The following CCDC148 variants were observed in gnomAD, a reference collection of about 807,000 sequenced individuals.
CCDC148 encodes coiled-coil domain containing 148.
A neutral mutation model predicts 85.7 loss-of-function variants in CCDC148; 89 were observed. That is an observed-to-expected ratio of 1.04 (90% confidence interval 0.87 to 1.24). The LOEUF (loss-of-function observed/expected upper bound fraction) is 1.24. CCDC148 is among the 50% of genes most tolerant of loss of function. CCDC148 has a pLI of 0.00. For missense variants in CCDC148, 692 were observed against 671.7 expected (o/e 1.03, Z -0.33); for synonymous variants, 230 against 213.9 (o/e 1.08, Z -0.66).
chr2:158,250,628 T>C (rs978737992), intron 10 of CCDC148, 144 bp downstream of exon 10: 1 of 1,227,976 alleles, frequency 8.1e-7, no homozygotes, highest in African/African-American at 1.6e-5. Context: ...AATAAACTTT[T>C]CATTAGATAA....
chr2:158,425,162 C>T (rs1687017173), intron 1 of CCDC148: 3 of 519,104 alleles, frequency 5.8e-6, no homozygotes, highest in Non-Finnish European at 1.2e-5. Flanking sequence ...ACTGTAGTGG[C>T]TATGGCAGAT....
chr2:158,303,627 A>G (rs1019311948), intron 9 of CCDC148, among the ~76,000 whole-genome samples: 2 of 152,244 alleles, frequency 1.3e-5, no homozygotes, highest in Non-Finnish European at 2.9e-5. Context: ...ACAAATTCCA[A>G]TGATAACACC....
intron 8 of CCDC148, among the ~76,000 whole-genome samples, chr2:158,312,589 A>C (rs1241042744): frequency 5.3e-5 from 8 of 151,128 alleles, no homozygotes; most frequent in East Asian, 3.9e-4. Context: ...AAAAAAAAAA[A>C]AAAAAAAACC....
intron 10 of CCDC148, among the ~76,000 whole-genome samples, chr2:158,223,201 C>T (rs4664937): frequency 0.069 from 10,464 of 152,216 alleles, 489 homozygotes; most frequent in East Asian, 0.13. Context: ...GTCCTACGCC[C>T]ACGGATCCTC....
intron 10 of CCDC148, among the ~76,000 whole-genome samples, chr2:158,228,332 A>G (rs1687665096): frequency 6.6e-6 from 1 of 152,188 alleles, no homozygotes; most frequent in Non-Finnish European, 1.5e-5. Flanking sequence ...GGACATGGAG[A>G]AATAGGAACA....
Position 158,220,731 on chromosome 2 carries a change from C to T in CCDC148, c.1252-18G>A, listed in dbSNP as rs767046906. Reference sequence around the variant, plus strand: ...TTTTTTATCTATTGTATAAATGTTACATAAAATTTAAATTAACAACAGATA... The same window carrying T: ...TTTTTTATCTATTGTATAAATGTTATATAAAATTTAAATTAACAACAGATA... On this transcript the variant is annotated intron_variant, in intron 10 of 13. Transcript: ENST00000283233. 9.9e-6 allele frequency: 15 copies of T among 1,519,598 alleles called. No homozygotes were observed. The South Asian group carries it at 1.6e-4, about 16-fold the overall frequency. 94.1% of individuals were successfully genotyped at this position (1,519,598 alleles called of 1,614,324 possible). A position where few individuals can be genotyped will look rare whatever the true frequency, so the allele number is the denominator to read the frequency against.
At chr2:158,323,387 T>C (rs749923366) in intron 7 of CCDC148, among the ~76,000 whole-genome samples, 7 of 152,352 alleles carry the variant, frequency 4.6e-5, no homozygotes, top group African/African-American at 9.6e-5. Flanking sequence ...TGTGGAACTA[T>C]TGCATTAAAT....
At position 158,309,490 on chromosome 2, in the gene CCDC148, G is replaced by C. The variant is rs202026459; in HGVS notation, c.1053C>G (p.Ser351Arg). 14 of 1,614,096 alleles carry C rather than the reference G, an allele frequency of 8.7e-6. No homozygotes were observed. The highest frequency in any genetic ancestry group is 8.3e-5 in the Admixed American group (5 of 60,024). ...TEACATHEMESMLAKDKKKQQ... is the reference protein window; with the variant it reads ...TEACATHEMERMLAKDKKKQQ... ...GCTTTTTCTTGTCCTTAGCCAACAT[G>C]CTCTCCATTTCATGTGTTGCACAAG... Residue 351 changes from serine to arginine, a missense_variant, in exon 9 of 14, where the codon AGC (serine) becomes AGG (arginine). Transcript: ENST00000283233.
At chr2:158,260,263 C>T (rs1278833643) in intron 9 of CCDC148, among the ~76,000 whole-genome samples, 1 of 151,928 alleles carries the variant, frequency 6.6e-6, no homozygotes, top group Non-Finnish European at 1.5e-5. Context: ...ACAAAAACCA[C>T]ATGATTATCT....
At chr2:158,219,246 C>G (rs1384744972) in intron 11 of CCDC148, among the ~76,000 whole-genome samples, 3 of 152,142 alleles carry the variant, frequency 2.0e-5, no homozygotes, top group Non-Finnish European at 4.4e-5. Context: ...AGGAAATTTA[C>G]TATGATTTAT....
chr2:158,211,245 C>T (rs1218177729), intron 11 of CCDC148, among the ~76,000 whole-genome samples: 2 of 151,956 alleles, frequency 1.3e-5, no homozygotes, highest in Non-Finnish European at 2.9e-5. Flanking sequence ...ATATCTGTAG[C>T]ACTAGTTATG....
At chr2:158,448,308 T>C (rs1688245684) in intron 1 of CCDC148, among the ~76,000 whole-genome samples, 1 of 152,128 alleles carries the variant, frequency 6.6e-6, no homozygotes, top group South Asian at 2.1e-4. Context: ...TCTTACCTTT[T>C]TTTTACAAGA....
intron 1 of CCDC148, among the ~76,000 whole-genome samples, chr2:158,423,771 G>A (rs1356664532): frequency 6.6e-6 from 1 of 152,132 alleles, no homozygotes; most frequent in African/African-American, 2.4e-5. Flanking sequence ...CCATCAGAGT[G>A]AACAGGCAAC....
chr2:158,321,660 G>A (rs139192879), intron 7 of CCDC148, among the ~76,000 whole-genome samples: 3 of 152,244 alleles, frequency 2.0e-5, no homozygotes, highest in Non-Finnish European at 4.4e-5. Flanking sequence ...CTTCTGTCTT[G>A]TATTCATCAA....
intron 1 of CCDC148, among the ~76,000 whole-genome samples, chr2:158,386,061 G>T (rs902097997): frequency 6.6e-6 from 1 of 151,948 alleles, no homozygotes; most frequent in Non-Finnish European, 1.5e-5. Context: ...TATGGCTTTT[G>T]CTTGGTTTTA....
At chr2:158,178,663 A>G (rs1347473397) in intron 12 of CCDC148, among the ~76,000 whole-genome samples, 1 of 152,260 alleles carries the variant, frequency 6.6e-6, no homozygotes, top group Non-Finnish European at 1.5e-5. Flanking sequence ...GCTTTTTAAA[A>G]GGTGATGATA....
intron 10 of CCDC148, among the ~76,000 whole-genome samples, chr2:158,247,769 T>C (rs1184684410): frequency 1.3e-5 from 2 of 151,902 alleles, no homozygotes; most frequent in African/African-American, 4.8e-5. Context: ...GGCAAGAGAA[T>C]CACTTGAACC....
At chr2:158,209,710 A>AT (rs1686451938) in intron 11 of CCDC148, among the ~76,000 whole-genome samples, 1 of 152,332 alleles carries the variant, frequency 6.6e-6, no homozygotes, top group African/African-American at 2.4e-5. Flanking sequence ...ATCCAGCCAA[A>AT]CTAAGCTTCG....
At chr2:158,228,033 G>A (rs1574447455) in intron 10 of CCDC148, among the ~76,000 whole-genome samples, 1 of 152,118 alleles carries the variant, frequency 6.6e-6, no homozygotes, top group South Asian at 2.1e-4. Context: ...CTACAGAATG[G>A]GAGAAAAATT....
Sources: gnomAD v4.1 joint callset for allele counts (sites outside exome capture counted in the v4.1 genomes callset) on GRCh38, gnomAD v4.1.1 for gene constraint, MANE v1.5 for transcripts, NCBI Gene and HGNC (gene_info 2026-07-23, HGNC 2026-07-21) for gene names.